Variants in MRTFB observed in about 807,000 individuals in gnomAD.
The protein encoded by MRTFB is myocardin related transcription factor B.
MRTFB carries 29 observed loss-of-function variants against 104.2 expected under a neutral mutation model. The observed-to-expected ratio is 0.28, with a 90% CI of 0.21 to 0.38. The LOEUF is 0.38. Ranked by LOEUF, MRTFB falls within the 10% of genes least tolerant of loss-of-function variation. The pLI is 1.00. For synonymous variants in MRTFB, 535 were observed against 519.5 expected (o/e 1.03, Z -0.41); for missense variants, 1,270 against 1,341.6 (o/e 0.95, Z 0.83).
At chr16:14,192,087 G>C (rs2151062376) in intron 3 of MRTFB, among the ~76,000 whole-genome samples, 1 of 152,148 alleles carries the variant, frequency 6.6e-6, no homozygotes. Context: ...GTTTTTTAAA[G>C]GAGTGGGGCA....
At chr16:14,053,556 C>T in the MRTFB span, among the ~76,000 whole-genome samples, 1 of 151,932 alleles carries the variant, frequency 6.6e-6, no homozygotes, top group Non-Finnish European at 1.5e-5. Flanking sequence ...CATGGTGAAA[C>T]CCTGTCTCTA....
intron 15 of MRTFB, among the ~76,000 whole-genome samples, chr16:14,255,711 CTA>C (rs2043451808): frequency 6.6e-6 from 1 of 151,824 alleles, no homozygotes; most frequent in African/African-American, 2.4e-5. Context: ...TGTAGGATCT[CTA>C]TGTTTTATTC....
At chr16:14,045,323 C>T in the MRTFB span, among the ~76,000 whole-genome samples, 11,593 of 152,166 alleles carry the variant, frequency 0.076, 1,436 homozygotes, top group African/African-American at 0.26. Context: ...CCCTAACACT[C>T]GCCTCCTAGG....
At chr16:14,030,108 T>C in the MRTFB span, among the ~76,000 whole-genome samples, 1 of 152,106 alleles carries the variant, frequency 6.6e-6, no homozygotes, top group Non-Finnish European at 1.5e-5. Context: ...GTTTCTGCTG[T>C]CTTCGCAGGG....
upstream of MRTFB, among the ~76,000 whole-genome samples, chr16:14,070,423 C>T (rs1243194899): frequency 6.6e-6 from 1 of 152,228 alleles, no homozygotes; most frequent in Non-Finnish European, 1.5e-5. Context: ...TGTGTGCTAA[C>T]ATCATGTACA....
At chr16:14,042,133 GT>G in the MRTFB span, among the ~76,000 whole-genome samples, 1 of 151,868 alleles carries the variant, frequency 6.6e-6, no homozygotes, top group Non-Finnish European at 1.5e-5. Context: ...TGGGTTGTTT[GT>G]TTGTTTTTGA....
At chr16:14,065,167 C>T in the MRTFB span, among the ~76,000 whole-genome samples, 2 of 152,132 alleles carry the variant, frequency 1.3e-5, no homozygotes, top group South Asian at 4.1e-4. Context: ...TTGCAGAGTT[C>T]TTTCCCCTCC....
At chr16:14,183,653 G>T (rs995870139) in intron 3 of MRTFB, among the ~76,000 whole-genome samples, 1 of 152,090 alleles carries the variant, frequency 6.6e-6, no homozygotes, top group African/African-American at 2.4e-5. Context: ...AACACTTAGG[G>T]TAAAGAAGTA....
intron 12 of MRTFB, chr16:14,248,106 GGAGT>G (rs1307668810): frequency 6.5e-6 from 1 of 152,738 alleles, no homozygotes; most frequent in Non-Finnish European, 1.5e-5. Context: ...CACAAATTTA[GGAGT>G]GAGGATGTAA....
At position 14,185,565 on chromosome 16, in the gene MRTFB, A is replaced by T. The variant is rs117774189; in HGVS notation, c.155-24678A>T. Among the ~76,000 whole-genome samples, 24 of 152,300 alleles carry T rather than the reference A, an allele frequency of 1.6e-4. 1 individual carries two copies. The East Asian group carries it at 4.6e-3, about 29-fold the overall frequency. ...TTCTTTAGAATTCTGGGTATTATTA[A>T]AGGAAGTTTTCCTGATGCACTGTCT... On this transcript the variant is annotated intron_variant, in intron 3 of 16. Transcript: ENST00000571589.
the MRTFB span, among the ~76,000 whole-genome samples, chr16:14,019,668 T>G: frequency 1.3e-5 from 2 of 152,190 alleles, no homozygotes. Context: ...TCCAGGTGAG[T>G]TGGCCCAGTG....
intron 2 of MRTFB, among the ~76,000 whole-genome samples, chr16:14,099,888 G>C (rs747839732): frequency 6.6e-6 from 1 of 151,952 alleles, no homozygotes; most frequent in Non-Finnish European, 1.5e-5. Flanking sequence ...GGCTGGTCTC[G>C]AACTCCTGAC....
At chr16:14,059,359 C>T in the MRTFB span, among the ~76,000 whole-genome samples, 13 of 152,112 alleles carry the variant, frequency 8.5e-5, no homozygotes, top group Non-Finnish European at 1.8e-4. Context: ...ATCCGTTAAT[C>T]AACCTCTCCC....
At chr16:14,066,249 T>G in the MRTFB span, among the ~76,000 whole-genome samples, 1 of 151,020 alleles carries the variant, frequency 6.6e-6, no homozygotes, top group Non-Finnish European at 1.5e-5. Context: ...TTAATTTATT[T>G]TTATTGATTT....
At chr16:14,064,598 T>G in the MRTFB span, among the ~76,000 whole-genome samples, 1 of 152,226 alleles carries the variant, frequency 6.6e-6, no homozygotes, top group Non-Finnish European at 1.5e-5. Context: ...AGTGAGGTTT[T>G]ATATTTAAGT....
At chr16:14,245,480 T>C (rs2042970841) in intron 10 of MRTFB, 48 bp from the exon 11 acceptor site, 2 of 1,528,330 alleles carry the variant, frequency 1.3e-6, no homozygotes, top group African/African-American at 1.4e-5. Context: ...CAATGTCAAA[T>C]CTAGAAATTA....
chr16:14,171,353 G>A (rs773717511), intron 3 of MRTFB, among the ~76,000 whole-genome samples: 1 of 152,188 alleles, frequency 6.6e-6, no homozygotes, highest in Non-Finnish European at 1.5e-5. Context: ...AAGGCAGCCA[G>A]GTGTGGTGGC....
chr16:14,012,964 C>A, the MRTFB span: 1 of 152,230 alleles, frequency 6.6e-6, no homozygotes, highest in African/African-American at 2.4e-5. Context: ...CTCCCCCAGT[C>A]TTCCCAGTTT....
rs561963232 is a variant in MRTFB, at chr16:14,234,280, G to A, written c.828G>A (p.Val276=). Residue 276 remains valine (V), a synonymous_variant, in exon 9 of 17, where the codon GTG becomes GTA. Coordinates refer to ENST00000571589, the MANE Select transcript of MRTFB (RefSeq NM_001308142.2). ...VSSAKPGPAL[V]KQSHPKNPND... is the part of the protein sequence containing the mutation. ...CAGCAAAGCCTGGCCCAGCACTGGTGAAGGTGGGTACTTTGGATACACCCT... is the reference window on the plus strand; with the variant it reads ...CAGCAAAGCCTGGCCCAGCACTGGTAAAGGTGGGTACTTTGGATACACCCT... The A allele has an allele frequency of 6.2e-7, 1 of 1,613,940 alleles. No homozygotes were observed. Among genetic ancestry groups the A allele is most frequent in the Non-Finnish European group, 8.5e-7 (1 of 1,179,936 alleles).
Sources: gnomAD v4.1 joint callset for allele counts (sites outside exome capture counted in the v4.1 genomes callset) on GRCh38, gnomAD v4.1.1 for gene constraint, MANE v1.5 for transcripts, NCBI Gene and HGNC (gene_info 2026-07-23, HGNC 2026-07-21) for gene names.